SND1: variants seen among roughly 807,000 people sequenced by gnomAD.
The protein encoded by SND1 is staphylococcal nuclease and tudor domain containing 1.
Under a neutral mutation model 121.7 loss-of-function variants are expected in SND1, and 38 were observed. The observed-to-expected ratio is 0.31, with a 90% CI of 0.24 to 0.41. The LOEUF (loss-of-function observed/expected upper bound fraction) is 0.41. SND1 is among the 10% of genes least tolerant of loss of function. The pLI is 1.00. For synonymous variants in SND1, 401 were observed against 447.4 expected, an observed-to-expected ratio of 0.90 and a Z score of 1.31; for missense variants, 868 against 1,184.6, an observed-to-expected ratio of 0.73 and a Z score of 3.92.
intron 10 of SND1, among the ~76,000 whole-genome samples, chr7:127,766,455 T>A (rs1351541700): frequency 6.6e-6 from 1 of 152,186 alleles, no homozygotes. Flanking sequence ...GTGTGGACCC[T>A]TGTACTGGTT....
At chr7:127,934,899 A>G (rs903868950) in intron 15 of SND1, among the ~76,000 whole-genome samples, 2 of 152,182 alleles carry the variant, frequency 1.3e-5, no homozygotes, top group Admixed American at 6.6e-5. Flanking sequence ...ACCAACCTGC[A>G]TGGAGCGGGC....
Position 128,072,286 on chromosome 7 carries a change from G to A in SND1, c.1780-2216G>A, listed in dbSNP as rs556398259. On this transcript the variant is annotated intron_variant, in intron 16 of 23. Transcript: ENST00000354725. The stretch of plus-strand genomic sequence containing the variant: ...GAGCCACACTGGCCCACCACAAGCT[G>A]TCTAGTGGCCTGCCAGGCCTGGAGA... 5.9e-5 allele frequency among the ~76,000 whole-genome samples: 9 copies of A among 152,360 alleles called. No homozygotes were observed. The South Asian group carries it at 1.9e-3, about 32-fold the overall frequency.
rs895268979 is a variant in SND1, at chr7:127,761,016, T to G, written c.1152+39616T>G. Among the ~76,000 whole-genome samples the G allele has an allele frequency of 2.6e-5, 4 of 152,328 alleles. No homozygotes were observed. The East Asian group carries it at 7.7e-4, about 29-fold the overall frequency. On this transcript the variant is annotated intron_variant, in intron 10 of 23. Coordinates refer to ENST00000354725, the MANE Select transcript of SND1 (RefSeq NM_014390.4). ...GTATAAAAAGATTTCAGAAATAGATTTCAAGTGGTATATTGCTCTCCATAT... is the reference window on the plus strand; with the variant it reads ...GTATAAAAAGATTTCAGAAATAGATGTCAAGTGGTATATTGCTCTCCATAT...
chr7:127,815,383 G>T (rs1227322433), intron 11 of SND1, among the ~76,000 whole-genome samples: 3 of 152,234 alleles, frequency 2.0e-5, no homozygotes, highest in African/African-American at 7.2e-5. Context: ...CCAGCTATTT[G>T]GGTGGCTGAG....
rs56962684 is a variant in SND1 at position 127,688,548 on chromosome 7, C to CAAA, written c.228+1801_228+1803dup. On this transcript the variant is annotated intron_variant, in intron 2 of 23. Coordinates refer to ENST00000354725, the MANE Select transcript of SND1 (RefSeq NM_014390.4). ...CTGACAACATAGCAAGATCCCATCTCAAAAAAAAAAAAAAAAAGAAAAAAT... is the reference window on the plus strand; with the variant it reads ...CTGACAACATAGCAAGATCCCATCTCAAAAAAAAAAAAAAAAAAAAGAAAAAAT... 7.3e-3 allele frequency among the ~76,000 whole-genome samples: 520 copies of CAAA among 71,154 alleles called. 8 individuals are homozygous for CAAA. The highest frequency in any genetic ancestry group is 0.025 in the African/African-American group (497 of 20,272). 46.7% of individuals were successfully genotyped at this position (71,154 alleles called of 152,430 possible). A position where few individuals can be genotyped will look rare whatever the true frequency, so the allele number is the denominator to read the frequency against.
intron 1 of SND1, among the ~76,000 whole-genome samples, chr7:127,684,500 A>G (rs913332403): frequency 2.0e-5 from 3 of 152,226 alleles, no homozygotes; most frequent in Non-Finnish European, 4.4e-5. Context: ...AGAATTGAAT[A>G]TAAATGAGTC....
At chr7:127,869,761 G>T (rs1799544704) in intron 12 of SND1, among the ~76,000 whole-genome samples, 1 of 152,092 alleles carries the variant, frequency 6.6e-6, no homozygotes, top group African/African-American at 2.4e-5. Flanking sequence ...CACAATGAAG[G>T]TAGAAAATTA....
chr7:127,943,924 ACTC>A (rs1801270530), intron 15 of SND1, among the ~76,000 whole-genome samples: 1 of 152,042 alleles, frequency 6.6e-6, no homozygotes, highest in Non-Finnish European at 1.5e-5. Flanking sequence ...GCTGCCAGTC[ACTC>A]CTCATCCTGC....
chr7:127,680,378 C>T (rs530674788), intron 1 of SND1, among the ~76,000 whole-genome samples: 67 of 152,088 alleles, frequency 4.4e-4, no homozygotes, highest in Middle Eastern at 3.4e-3. Flanking sequence ...GGAATTTCCT[C>T]GTCCTAATAA....
chr7:127,986,119 GAA>G (rs1285584488), intron 15 of SND1, among the ~76,000 whole-genome samples: 2 of 152,096 alleles, frequency 1.3e-5, no homozygotes, highest in African/African-American at 4.8e-5. Context: ...CATAAAACTC[GAA>G]AAAGAGTGTA....
intron 16 of SND1, chr7:127,998,586 C>G (rs1416094696): frequency 6.5e-6 from 1 of 153,536 alleles, no homozygotes; most frequent in Admixed American, 6.4e-5. Context: ...ACGGGCTGTT[C>G]CTGAATACCA....
At chr7:128,003,964 G>T (rs1332520154) in intron 16 of SND1, among the ~76,000 whole-genome samples, 1 of 151,928 alleles carries the variant, frequency 6.6e-6, no homozygotes, top group African/African-American at 2.4e-5. Context: ...AACACCCAGG[G>T]TGCACTTAAC....
intron 10 of SND1, among the ~76,000 whole-genome samples, chr7:127,798,050 A>C (rs1306037912): frequency 6.6e-6 from 1 of 152,016 alleles, no homozygotes; most frequent in African/African-American, 2.4e-5. Context: ...TTAGACGCAG[A>C]TTTTTTTTCT....
intron 8 of SND1, among the ~76,000 whole-genome samples, chr7:127,705,165 A>G (rs1796166587): frequency 1.3e-5 from 2 of 152,180 alleles, no homozygotes; most frequent in South Asian, 4.1e-4. Context: ...CTTAGACATT[A>G]TTCTTCACTT....
intron 15 of SND1, among the ~76,000 whole-genome samples, chr7:127,973,383 G>A (rs1584706878): frequency 6.6e-6 from 1 of 152,296 alleles, no homozygotes; most frequent in East Asian, 1.9e-4. Flanking sequence ...ATTTGGAGTG[G>A]GAAGCAGCTA....
At chr7:127,832,274 G>T (rs1348009810) in intron 11 of SND1, among the ~76,000 whole-genome samples, 5 of 152,194 alleles carry the variant, frequency 3.3e-5, no homozygotes, top group Non-Finnish European at 7.3e-5. Context: ...TGAATTCCTA[G>T]AAGTGGAACT....
At chr7:127,878,705 G>C (rs948739267) in intron 12 of SND1, among the ~76,000 whole-genome samples, 1 of 151,942 alleles carries the variant, frequency 6.6e-6, no homozygotes, top group African/African-American at 2.4e-5. Context: ...CAGAGAATGG[G>C]CTTTAAATTG....
At chr7:127,757,478 C>T (rs2116469022) in intron 10 of SND1, among the ~76,000 whole-genome samples, 1 of 152,152 alleles carries the variant, frequency 6.6e-6, no homozygotes, top group East Asian at 1.9e-4. Flanking sequence ...GAATGTTTAG[C>T]TGTGGTTAGT....
intron 10 of SND1, among the ~76,000 whole-genome samples, chr7:127,775,170 C>T (rs368661508): frequency 4.6e-5 from 7 of 152,186 alleles, no homozygotes; most frequent in South Asian, 2.1e-4. Flanking sequence ...ACCGGAAGCT[C>T]GGAGAGGCAA....
Sources: allele counts gnomAD v4.1 joint callset (sites outside exome capture counted in the v4.1 genomes callset), GRCh38; gene constraint gnomAD v4.1.1; transcripts MANE v1.5; gene names NCBI Gene and HGNC (gene_info 2026-07-23, HGNC 2026-07-21).